OSBPL8: variants seen among roughly 807,000 people sequenced by gnomAD.
OSBPL8 encodes the protein oxysterol binding protein like 8, also known as oxysterol-binding protein-related protein 8.
A neutral mutation model predicts 125.5 loss-of-function variants in OSBPL8; 59 were observed. The ratio of observed to expected loss-of-function variants is 0.47; its 90% confidence interval spans 0.38 to 0.58. The LOEUF (loss-of-function observed/expected upper bound fraction) is 0.58, where lower values mean the gene tolerates loss of function less well. Ranked by LOEUF, OSBPL8 falls within the 20% of genes least tolerant of loss-of-function variation. The pLI is 0.00. For synonymous variants in OSBPL8, 330 were observed against 338.9 expected (o/e 0.97, Z 0.29); for missense variants, 758 against 1,047.8 (o/e 0.72, Z 3.82).
chr12:76,468,648 TAA>T (rs1460844847), intron 2 of OSBPL8, among the ~76,000 whole-genome samples: 3 of 152,230 alleles, frequency 2.0e-5, no homozygotes, highest in Non-Finnish European at 4.4e-5. Flanking sequence ...ATGTTCAAGC[TAA>T]AGTTATCGTT....
rs1950469676 is a variant in OSBPL8, at chr12:76,535,517, A to G, written c.-68+23880T>C. On this transcript the variant is annotated intron_variant, in intron 1 of 23. Coordinates refer to ENST00000261183, the MANE Select transcript of OSBPL8 (RefSeq NM_020841.5). ...TCATACATTGCTGGTGAGATGCAAAATGGTACAGCTACTCTTAAGTATTTA... is the reference window on the plus strand; with the variant it reads ...TCATACATTGCTGGTGAGATGCAAAGTGGTACAGCTACTCTTAAGTATTTA... 2.0e-5 allele frequency among the ~76,000 whole-genome samples: 3 copies of G among 152,180 alleles called. No homozygotes were observed. The South Asian group carries it at 6.2e-4, about 31-fold the overall frequency.
chr12:76,544,510 G>C (rs528018582), intron 1 of OSBPL8, among the ~76,000 whole-genome samples: 1 of 152,114 alleles, frequency 6.6e-6, no homozygotes, highest in Non-Finnish European at 1.5e-5. Context: ...CCATCTCTTA[G>C]AGAAACACAT....
chr12:76,386,560 T>G lies in OSBPL8; in HGVS notation c.1434+19A>C, dbSNP rs373960209. On this transcript the variant is annotated intron_variant, in intron 13 of 23. Transcript: ENST00000261183. ...TCATAAAACACTAAAGACAATAAAA[T>G]GTAAACAAACATTATTACCTTTGGC... The G allele has an allele frequency of 1.5e-5, 24 of 1,552,550 alleles. No individual in the cohort carries two copies. The highest frequency in any genetic ancestry group is 2.0e-5 in the Non-Finnish European group (23 of 1,138,602).
At chr12:76,375,841 A>G (rs953075138) in intron 16 of OSBPL8, among the ~76,000 whole-genome samples, 22 of 152,174 alleles carry the variant, frequency 1.4e-4, no homozygotes, top group South Asian at 6.2e-4. Flanking sequence ...ATGGACCCAC[A>G]TGTAGTGTTG....
At chr12:76,521,541 G>T in intron 1 of OSBPL8, among the ~76,000 whole-genome samples, 1 of 152,042 alleles carries the variant, frequency 6.6e-6, no homozygotes, top group East Asian at 1.9e-4. Flanking sequence ...ACTAAAATGT[G>T]GAAACAACCC....
At chr12:76,557,800 C>T (rs965742185) in intron 1 of OSBPL8, among the ~76,000 whole-genome samples, 2 of 151,856 alleles carry the variant, frequency 1.3e-5, no homozygotes, top group African/African-American at 4.8e-5. Flanking sequence ...GTATAAGTAC[C>T]CTGAATGTGT....
chr12:76,433,933 C>A (rs976053409), intron 4 of OSBPL8, among the ~76,000 whole-genome samples: 20 of 143,702 alleles, frequency 1.4e-4, no homozygotes, highest in Admixed American at 1.2e-3. Context: ...CAAGATCATG[C>A]CACTGCACTC....
chr12:76,392,851 G>A, intron 9 of OSBPL8, 99 bp from the exon 10 acceptor site: 1 of 1,231,804 alleles, frequency 8.1e-7, no homozygotes, highest in Middle Eastern at 2.0e-4. Flanking sequence ...TGAGAAACAT[G>A]CACTGGAAAA....
In OSBPL8 at chr12:76,525,283, AT is replaced by A. The variant is rs1950142266; in HGVS notation, c.-68+34113del. On this transcript the variant is annotated intron_variant, in intron 1 of 23. Coordinates refer to ENST00000261183, the MANE Select transcript of OSBPL8 (RefSeq NM_020841.5). Reference sequence around the variant, plus strand: ...GATAATATTTATATAAAGTTTATATATGAAAAAGAGTAAACAGAAAAATATA... The same window carrying A: ...GATAATATTTATATAAAGTTTATATAGAAAAAGAGTAAACAGAAAAATATA... Among the ~76,000 whole-genome samples the A allele has an allele frequency of 4.6e-5, 7 of 152,356 alleles. No individual in the cohort carries two copies. In the South Asian group the frequency reaches 1.4e-3, roughly 32 times the overall value.
intron 2 of OSBPL8, among the ~76,000 whole-genome samples, chr12:76,465,298 C>T (rs1327776061): frequency 2.6e-5 from 4 of 152,278 alleles, no homozygotes; most frequent in East Asian, 1.9e-4. Flanking sequence ...CAGTGGCTCA[C>T]GCCTGTAATC....
intron 1 of OSBPL8, among the ~76,000 whole-genome samples, chr12:76,536,418 AT>A (rs1950499921): frequency 6.6e-6 from 1 of 152,120 alleles, no homozygotes; most frequent in African/African-American, 2.4e-5. Flanking sequence ...GAGATAATTA[AT>A]TTTGTCTGTA....
chr12:76,479,936 G>A (rs1025278421), intron 2 of OSBPL8, among the ~76,000 whole-genome samples: 3 of 152,092 alleles, frequency 2.0e-5, no homozygotes, highest in African/African-American at 7.2e-5. Context: ...GGAAGCCGAG[G>A]CTGGCGGATC....
chr12:76,385,453 G>T (rs555675284), intron 14 of OSBPL8, among the ~76,000 whole-genome samples: 2 of 152,130 alleles, frequency 1.3e-5, no homozygotes, highest in Admixed American at 6.5e-5. Flanking sequence ...GTATCATAGG[G>T]GAGAAGAGGG....
intron 4 of OSBPL8, among the ~76,000 whole-genome samples, chr12:76,416,671 T>TA (rs1868712234): frequency 6.6e-6 from 1 of 152,108 alleles, no homozygotes; most frequent in Non-Finnish European, 1.5e-5. Flanking sequence ...TTTTTATCCC[T>TA]AGTCCTTCCC....
intron 4 of OSBPL8, among the ~76,000 whole-genome samples, chr12:76,441,180 A>G (rs1488263085): frequency 2.0e-5 from 3 of 152,176 alleles, no homozygotes; most frequent in Non-Finnish European, 2.9e-5. Flanking sequence ...GACTATTTAC[A>G]AGCAGGCTAA....
chr12:76,482,559 G>A lies in OSBPL8; in HGVS notation c.42+4951C>T, dbSNP rs536891240. On this transcript the variant is annotated intron_variant, in intron 2 of 23. Coordinates refer to ENST00000261183, the MANE Select transcript of OSBPL8 (RefSeq NM_020841.5). ...ACCCAGGAGGCAGAGGTTGCAGTGG[G>A]CCAAGATCGTGCCATTGGACTCCAG... is the stretch of plus-strand genomic sequence containing the variant. Among the ~76,000 whole-genome samples, 18 of 152,152 alleles carry A rather than the reference G, an allele frequency of 1.2e-4. 2 individuals carry two copies. The South Asian group carries it at 3.7e-3, about 32-fold the overall frequency.
chr12:76,363,517 G>A (rs1952289307), intron 21 of OSBPL8, among the ~76,000 whole-genome samples: 1 of 152,180 alleles, frequency 6.6e-6, no homozygotes, highest in Admixed American at 6.5e-5. Flanking sequence ...ACTCAAGATG[G>A]ATTAAAGACT....
At chr12:76,499,635 G>C (rs568532624) in intron 1 of OSBPL8, among the ~76,000 whole-genome samples, 39 of 152,252 alleles carry the variant, frequency 2.6e-4, no homozygotes, top group African/African-American at 8.9e-4. Flanking sequence ...CAGATCACCA[G>C]AGGTCAGGAG....
At chr12:76,542,146 G>A (rs1190610285) in intron 1 of OSBPL8, among the ~76,000 whole-genome samples, 1 of 152,068 alleles carries the variant, frequency 6.6e-6, no homozygotes, top group Non-Finnish European at 1.5e-5. Flanking sequence ...ACCCCAGCCT[G>A]GGAAACAAGA....
Sources: allele counts gnomAD v4.1 joint callset (sites outside exome capture counted in the v4.1 genomes callset), GRCh38; gene constraint gnomAD v4.1.1; transcripts MANE v1.5; gene names NCBI Gene and HGNC (gene_info 2026-07-23, HGNC 2026-07-21).